Variants in DST observed in about 807,000 individuals in gnomAD.
DST encodes bullous pemphigoid antigen.
DST carries 253 observed loss-of-function variants against 875.2 expected under a neutral mutation model. That is an observed-to-expected ratio of 0.29 (90% CI 0.26 to 0.32). The LOEUF is 0.32. Among genes scored for constraint, DST ranks in the 10% least tolerant of loss-of-function variants. The probability of loss-of-function intolerance (pLI) is 1.00; values close to 1 mark genes in which losing one functional copy is unlikely to be tolerated. For synonymous variants in DST, 3,124 were observed against 3,197.1 expected, an observed-to-expected ratio of 0.98 and a Z score of 0.77; for missense variants, 8,287 against 9,111.6, an observed-to-expected ratio of 0.91 and a Z score of 3.68.
chr6:56,798,142 A>G (rs1194985562), intron 4 of DST, among the ~76,000 whole-genome samples: 2 of 152,244 alleles, frequency 1.3e-5, no homozygotes, highest in Non-Finnish European at 2.9e-5. Context: ...TCATTGATGA[A>G]GGTGAATCTA....
At chr6:56,577,498 T>C (rs1300492903) in intron 50 of DST, among the ~76,000 whole-genome samples, 1 of 152,192 alleles carries the variant, frequency 6.6e-6, no homozygotes, top group Non-Finnish European at 1.5e-5. Context: ...TATACATACA[T>C]CTGCATATAT....
chr6:56,865,970 T>C (rs1483601268), intron 3 of DST, among the ~76,000 whole-genome samples: 1 of 152,082 alleles, frequency 6.6e-6, no homozygotes, highest in Non-Finnish European at 1.5e-5. Context: ...GAGCTATGTT[T>C]TTTTTTTGTT....
chr6:56,533,169 T>C (rs1402015979), intron 63 of DST, among the ~76,000 whole-genome samples: 5 of 152,188 alleles, frequency 3.3e-5, no homozygotes, highest in Non-Finnish European at 7.3e-5. Flanking sequence ...AAGACTAATA[T>C]TTCAGGATTT....
intron 4 of DST, among the ~76,000 whole-genome samples, chr6:56,835,190 T>C (rs1268613745): frequency 2.0e-5 from 3 of 152,170 alleles, no homozygotes; most frequent in African/African-American, 7.2e-5. Context: ...GTTCTGGAGC[T>C]GGAGAGGAAC....
chr6:56,712,602 T>C (rs575179015), intron 5 of DST, among the ~76,000 whole-genome samples: 1 of 152,300 alleles, frequency 6.6e-6, no homozygotes, highest in African/African-American at 2.4e-5. Context: ...TTAAAAAATA[T>C]AACTAGGTGT....
At position 56,607,380 on chromosome 6, in the gene DST, T is replaced by C. The variant is rs760131032; in HGVS notation, c.7248A>G (p.Thr2416=). Residue 2416 remains threonine (T), a synonymous_variant, in exon 40 of 104, where the codon ACA becomes ACG. Transcript: ENST00000680361. ...CCCTGTTTGTATTATCTTCATTCTC[T>C]GTTTCATTCACACCACAGAATTTAC... The part of the protein sequence containing the change: ...KMSKFCGVNE[T]ENEDNTNRDS... 1.7e-5 allele frequency: 27 copies of C among 1,612,904 alleles called. No individual in the cohort carries two copies. The East Asian group carries it at 3.3e-4, about 20-fold the overall frequency.
chr6:56,610,842 G>A (rs564245338), intron 38 of DST, among the ~76,000 whole-genome samples: 1 of 152,138 alleles, frequency 6.6e-6, no homozygotes, highest in African/African-American at 2.4e-5. Context: ...GCTGCTATCT[G>A]ACAGAGGGTA....
At chr6:56,623,174 G>C (rs2098705589) in intron 36 of DST, among the ~76,000 whole-genome samples, 1 of 151,900 alleles carries the variant, frequency 6.6e-6, no homozygotes, top group Admixed American at 6.6e-5. Context: ...TTCAATTAAG[G>C]CCTTCTAAAA....
chr6:56,509,741 C>T lies in DST; in HGVS notation c.18913G>A (p.Asp6305Asn). Residue 6305 changes from aspartate (D) to asparagine (N), a missense_variant, in exon 74 of 104, where the codon GAC (aspartate) becomes AAC (asparagine). Around this residue, in one of 10 missense-constraint regions of DST, gnomAD observed 1,292 missense variants for 1,552.7 expected, o/e 0.83. Transcript: ENST00000680361. Reference sequence around the variant, plus strand: ...TACAACGGCTGTAGCTTTTCCATGTCTACTGACACATTCTTATTTTCACTG... The same window carrying T: ...TACAACGGCTGTAGCTTTTCCATGTTTACTGACACATTCTTATTTTCACTG... ...QISENKNVSV[D>N]MEKLQPLYET... The T allele has an allele frequency of 2.5e-6, 4 of 1,613,720 alleles. No individual in the cohort carries two copies. The highest frequency in any genetic ancestry group is 3.4e-6 in the Non-Finnish European group (4 of 1,179,744).
chr6:56,506,870 T>C (rs1332006931), intron 75 of DST, 81 bp from the exon 76 acceptor site: 4 of 1,343,786 alleles, frequency 3.0e-6, no homozygotes, highest in African/African-American at 1.5e-5. Context: ...ATATCAATGG[T>C]AGTTATTTCT....
intron 5 of DST, among the ~76,000 whole-genome samples, chr6:56,732,386 C>T (rs920835406): frequency 6.6e-6 from 1 of 151,938 alleles, no homozygotes. Flanking sequence ...AGCTTCTGTG[C>T]CAGAGTTTTC....
chr6:56,524,578 C>T (rs1323726450), intron 69 of DST, among the ~76,000 whole-genome samples: 3 of 152,092 alleles, frequency 2.0e-5, no homozygotes, highest in Non-Finnish European at 4.4e-5. Flanking sequence ...GCATGCTGGG[C>T]ATGTTCCTCC....
chr6:56,732,004 T>C (rs973624176), intron 5 of DST, among the ~76,000 whole-genome samples: 1 of 152,204 alleles, frequency 6.6e-6, no homozygotes, highest in African/African-American at 2.4e-5. Context: ...CAATAATATT[T>C]TTAGAGATTG....
chr6:56,859,085 T>A (rs1404616857), intron 3 of DST, among the ~76,000 whole-genome samples: 1 of 152,204 alleles, frequency 6.6e-6, no homozygotes, highest in Admixed American at 6.5e-5. Context: ...ACTAGACTTG[T>A]ACTGGGTTCA....
intron 97 of DST, 65 bp downstream of exon 97, chr6:56,469,818 C>G: frequency 7.2e-7 from 1 of 1,380,466 alleles, no homozygotes; most frequent in Non-Finnish European, 1.0e-6. Context: ...CAATGGAGAT[C>G]AAATTGTATA....
In DST at chr6:56,952,618, C is replaced by T. The variant is rs548405924; in HGVS notation, c.216+1167G>A. 2.6e-5 allele frequency among the ~76,000 whole-genome samples: 4 copies of T among 152,158 alleles called. No homozygotes were observed. The South Asian group carries it at 8.3e-4, about 32-fold the overall frequency. ...ATTTTACAAAATATAATGATAGCTACCAAATACTGAATACTTATTATGAAC... is the reference window on the plus strand; with the variant it reads ...ATTTTACAAAATATAATGATAGCTATCAAATACTGAATACTTATTATGAAC... On this transcript the variant is annotated intron_variant, in intron 2 of 103. Coordinates refer to ENST00000680361, the MANE Select transcript of DST (RefSeq NM_001374736.1).
intron 62 of DST, among the ~76,000 whole-genome samples, chr6:56,535,851 T>C (rs964616058): frequency 2.6e-5 from 4 of 152,188 alleles, no homozygotes; most frequent in East Asian, 3.9e-4. Flanking sequence ...GTGTCCTACA[T>C]AGAGATATCT....
chr6:56,663,358 C>A (rs1284737586), intron 10 of DST, among the ~76,000 whole-genome samples: 1 of 152,228 alleles, frequency 6.6e-6, no homozygotes, highest in Non-Finnish European at 1.5e-5. Context: ...TCTACACAAG[C>A]TGAAATACTG....
chr6:56,858,780 C>T (rs1769377707), intron 3 of DST, among the ~76,000 whole-genome samples: 1 of 152,186 alleles, frequency 6.6e-6, no homozygotes. Context: ...TTAGTATATT[C>T]TATCCAGATG....
Sources: gnomAD v4.1 joint callset for allele counts (sites outside exome capture counted in the v4.1 genomes callset) on GRCh38, gnomAD v4.1.1 for gene constraint, gnomAD v4.1.1 regional missense constraint, MANE v1.5 for transcripts, NCBI Gene and HGNC (gene_info 2026-07-23, HGNC 2026-07-21) for gene names.